Variants in PTPN1 observed in about 807,000 individuals in gnomAD.
The protein encoded by PTPN1 is protein tyrosine phosphatase non-receptor type 1.
PTPN1 carries 12 observed loss-of-function variants against 59.9 expected under a neutral mutation model. The observed-to-expected ratio is 0.20, with a 90% CI of 0.13 to 0.32. The LOEUF (loss-of-function observed/expected upper bound fraction) is 0.32, where lower values mean the gene tolerates loss of function less well. Among genes scored for constraint, PTPN1 ranks in the 10% least tolerant of loss-of-function variants. PTPN1 has a pLI of 1.00. For synonymous variants in PTPN1, 178 were observed against 203.6 expected, an observed-to-expected ratio of 0.87 and a Z score of 1.07; for missense variants, 356 against 549.2, an observed-to-expected ratio of 0.65 and a Z score of 3.52.
Position 50,581,248 on chromosome 20 carries a change from GC to G in PTPN1, c.1089-14del. ...TCTCCAAAGTGAGTAACCCATCTCT[GC>G]CCTCTGATTCCTCAGCATGAGTCAA... On this transcript the variant is annotated splice_polypyrimidine_tract_variant and intron_variant, in intron 8 of 9. Transcript: ENST00000371621. The G allele has an allele frequency of 6.3e-7, 1 of 1,580,680 alleles. No individual in the cohort carries two copies. The highest frequency in any genetic ancestry group is 8.7e-7 in the Non-Finnish European group (1 of 1,156,018).
At chr20:50,541,638 T>C (rs931119658) in intron 1 of PTPN1, among the ~76,000 whole-genome samples, 2 of 152,172 alleles carry the variant, frequency 1.3e-5, no homozygotes, top group Non-Finnish European at 2.9e-5. Context: ...TCTGACCTTT[T>C]GTGTGATGGC....
Position 50,584,824 on chromosome 20 carries a change from GTTTC to G in PTPN1, c.*2115_*2118del, listed in dbSNP as rs2082891399. 1 of 152,148 alleles carries G rather than the reference GTTTC, an allele frequency of 6.6e-6. No individual in the cohort carries two copies. Among genetic ancestry groups the G allele is most frequent in the Non-Finnish European group, 1.5e-5 (1 of 68,034 alleles). 9.4% of individuals were successfully genotyped at this position (152,148 alleles called of 1,614,324 possible). On this transcript the variant is annotated 3_prime_UTR_variant, in exon 10 of 10. Transcript: ENST00000371621. ...AGCTAAACCAGGATGAGTAACTCCTGTTTCTTTCTATCCCTGCTGATGTGAAACA... is the reference window on the plus strand; with the variant it reads ...AGCTAAACCAGGATGAGTAACTCCTGTTTCTATCCCTGCTGATGTGAAACA...
chr20:50,536,029 A>G (rs530022157), intron 1 of PTPN1, among the ~76,000 whole-genome samples: 1 of 152,216 alleles, frequency 6.6e-6, no homozygotes, highest in African/African-American at 2.4e-5. Context: ...GATGCTGGCA[A>G]TTTAAGGTAT....
chr20:50,517,349 G>A (rs544599073), intron 1 of PTPN1, among the ~76,000 whole-genome samples: 3 of 152,166 alleles, frequency 2.0e-5, no homozygotes, highest in African/African-American at 7.2e-5. Context: ...CCACCTCCTG[G>A]GCTCAAGTGA....
chr20:50,570,155 C>T (rs186598169), intron 4 of PTPN1, among the ~76,000 whole-genome samples: 14 of 152,326 alleles, frequency 9.2e-5, no homozygotes, highest in Admixed American at 7.8e-4. Flanking sequence ...TAAGAAGGAA[C>T]ACATCAAAGG....
chr20:50,580,046 T>C, intron 8 of PTPN1, 120 bp downstream of exon 8: 2 of 922,468 alleles, frequency 2.2e-6, no homozygotes, highest in Non-Finnish European at 3.3e-6. Context: ...CGCTTCCGCA[T>C]CCTTGGGGAA....
rs750782677 is a variant in PTPN1, at chr20:50,579,299, C to G, written c.834C>G (p.Ala278=). ...CCTACCTGGCTGTGATCGAAGGTGCCAAATTCATCATGGGGGACTCTTCCG... is the reference window on the plus strand; with the variant it reads ...CCTACCTGGCTGTGATCGAAGGTGCGAAATTCATCATGGGGGACTCTTCCG... ...RFSYLAVIEG[A]KFIMGDSSVQ... The change falls in exon 7 of 10, where the codon GCC becomes GCG. Residue 278 remains alanine (A), a synonymous_variant. Coordinates refer to ENST00000371621, the MANE Select transcript of PTPN1 (RefSeq NM_002827.4). 1.2e-6 allele frequency: 2 copies of G among 1,614,220 alleles called. No individual in the cohort carries two copies. The highest frequency in any genetic ancestry group is 2.2e-5 in the South Asian group (2 of 91,090).
chr20:50,515,249 A>G (rs1001347207), intron 1 of PTPN1, among the ~76,000 whole-genome samples: 4 of 152,116 alleles, frequency 2.6e-5, no homozygotes, highest in African/African-American at 4.8e-5. Flanking sequence ...GCGTTCTCCA[A>G]ACTCATCCTC....
chr20:50,529,684 C>T (rs1307203997), intron 1 of PTPN1, among the ~76,000 whole-genome samples: 1 of 152,070 alleles, frequency 6.6e-6, no homozygotes, highest in East Asian at 1.9e-4. Flanking sequence ...CCCCCCATCT[C>T]CTGGATCTTT....
rs537038061 is a variant in PTPN1, at chr20:50,547,190, C to T, written c.64-14173C>T. On this transcript the variant is annotated intron_variant, in intron 1 of 9. Coordinates refer to ENST00000371621, the MANE Select transcript of PTPN1 (RefSeq NM_002827.4). Reference sequence around the variant, plus strand: ...TTTTAAAAGCAGACACTATTAGGGACGGTAAAAATAAGATTTAAAGTCGGG... The same window carrying T: ...TTTTAAAAGCAGACACTATTAGGGATGGTAAAAATAAGATTTAAAGTCGGG... Among the ~76,000 whole-genome samples, 17 of 152,134 alleles carry T rather than the reference C, an allele frequency of 1.1e-4. No individual in the cohort carries two copies. The South Asian group carries it at 2.3e-3, about 20-fold the overall frequency.
At chr20:50,510,756 C>T (rs1032119117) in intron 1 of PTPN1, among the ~76,000 whole-genome samples, 166 bp downstream of exon 1, 2 of 152,008 alleles carry the variant, frequency 1.3e-5, no homozygotes, top group Non-Finnish European at 2.9e-5. Context: ...CCCTTTGTCC[C>T]CGGGGCGGGC....
intron 1 of PTPN1, among the ~76,000 whole-genome samples, chr20:50,524,155 T>G (rs2082563107): frequency 6.6e-6 from 1 of 152,180 alleles, no homozygotes; most frequent in African/African-American, 2.4e-5. Flanking sequence ...TAGTGGAGGT[T>G]ATTCCATCAT....
chr20:50,580,227 C>T (rs573277425), intron 8 of PTPN1, among the ~76,000 whole-genome samples: 1 of 152,124 alleles, frequency 6.6e-6, no homozygotes, highest in South Asian at 2.1e-4. Context: ...CCCCCCCTGA[C>T]GACAGCGCCC....
chr20:50,513,872 TACACTATG>T (rs2082517750), intron 1 of PTPN1, among the ~76,000 whole-genome samples: 1 of 152,074 alleles, frequency 6.6e-6, no homozygotes, highest in South Asian at 2.1e-4. Flanking sequence ...GAAAGATCTA[TACACTATG>T]ACTCACTTCA....
intron 8 of PTPN1, 83 bp downstream of exon 8, chr20:50,580,009 T>TG: frequency 7.8e-7 from 1 of 1,286,656 alleles, no homozygotes; most frequent in South Asian, 1.3e-5. Context: ...TGAAACCCTG[T>TG]GGATGCAGCC....
chr20:50,562,144 G>A (rs2082755665), intron 2 of PTPN1, among the ~76,000 whole-genome samples: 1 of 152,208 alleles, frequency 6.6e-6, no homozygotes, highest in Admixed American at 6.5e-5. Context: ...AGGCCACAGA[G>A]GCCTTTTTGA....
chr20:50,581,497 C>A, intron 9 of PTPN1, 37 bp downstream of exon 9: 2 of 1,571,106 alleles, frequency 1.3e-6, no homozygotes, highest in South Asian at 1.2e-5. Flanking sequence ...GCGAGATGCT[C>A]GTGTGCAGAG....
chr20:50,581,226 C>G, intron 8 of PTPN1, 39 bp from the exon 9 acceptor site: 1 of 1,547,902 alleles, frequency 6.5e-7, no homozygotes. Context: ...TTCATTTTCT[C>G]CAAAGTGAGT....
rs2082855405 is a variant in PTPN1 at position 50,579,649 on chromosome 20, G to C, written c.865-54G>C. The C allele has an allele frequency of 2.0e-6, 3 of 1,523,182 alleles. No individual in the cohort carries two copies. The African/African-American group carries it at 4.1e-5, about 21-fold the overall frequency. The allele number at this position is 1,523,182 out of a possible 1,614,324, so 94.4% of individuals were successfully genotyped here. A position where few individuals can be genotyped will look rare whatever the true frequency, so the allele number is the denominator to read the frequency against. The stretch of plus-strand genomic sequence containing the variant: ...CTCTGCTCATGCAAAGGGATTTCCT[G>C]ACAAACCAGCCGAAGTGAACACTAA... On this transcript the variant is annotated intron_variant, in intron 7 of 9. Coordinates refer to ENST00000371621, the MANE Select transcript of PTPN1 (RefSeq NM_002827.4).
Sources: allele counts gnomAD v4.1 joint callset (sites outside exome capture counted in the v4.1 genomes callset), GRCh38; gene constraint gnomAD v4.1.1; transcripts MANE v1.5; gene names NCBI Gene and HGNC (gene_info 2026-07-23, HGNC 2026-07-21).